SPOCK1: variants seen among roughly 807,000 people sequenced by gnomAD.
SPOCK1 encodes SPARC (osteonectin), cwcv and kazal like domains proteoglycan 1, also known as testican-1.
A neutral mutation model predicts 55.3 loss-of-function variants in SPOCK1; 23 were observed. The observed-to-expected ratio is 0.42, with a 90% confidence interval of 0.30 to 0.59. SPOCK1 has a LOEUF of 0.59. Among genes scored for constraint, SPOCK1 ranks in the 20% least tolerant of loss-of-function variants. The pLI is 0.22. For missense variants in SPOCK1, 499 were observed against 552.5 expected (o/e 0.90, Z 0.97); for synonymous variants, 226 against 221.0 (o/e 1.02, Z -0.20).
At chr5:137,113,470 T>G (rs1455841955) in intron 4 of SPOCK1, among the ~76,000 whole-genome samples, 4 of 152,244 alleles carry the variant, frequency 2.6e-5, no homozygotes, top group Admixed American at 1.3e-4. Context: ...CTGGCCTTCC[T>G]GCATGATGAT....
chr5:137,300,879 T>A (rs547768533), intron 2 of SPOCK1, among the ~76,000 whole-genome samples: 3 of 152,176 alleles, frequency 2.0e-5, no homozygotes, highest in African/African-American at 7.2e-5. Flanking sequence ...GAAAGCCCCA[T>A]GAACACAGAT....
chr5:137,419,630 G>C (rs1439060922), intron 2 of SPOCK1, among the ~76,000 whole-genome samples: 2 of 152,330 alleles, frequency 1.3e-5, no homozygotes, highest in East Asian at 3.9e-4. Context: ...AAGAATGCTT[G>C]TGATTTTTGC....
chr5:137,489,203 G>C (rs1754123481), intron 2 of SPOCK1, among the ~76,000 whole-genome samples: 2 of 152,328 alleles, frequency 1.3e-5, no homozygotes, highest in Admixed American at 6.5e-5. Context: ...ATGTGGTGCT[G>C]AAGTAAGTGC....
At chr5:137,281,021 T>C (rs530404294) in intron 2 of SPOCK1, among the ~76,000 whole-genome samples, 28 of 152,250 alleles carry the variant, frequency 1.8e-4, no homozygotes, top group African/African-American at 6.0e-4. Flanking sequence ...ATGGTAAAGA[T>C]AGTTATGGGA....
rs139248748 is a variant in SPOCK1 at position 137,324,451 on chromosome 5, AAGAG to A, written c.187-57400_187-57397del. On this transcript the variant is annotated intron_variant, in intron 2 of 10. Transcript: ENST00000394945. ...CAGAAGGAGACTCCATCTCAAAAAT[AAGAG>A]AGAGAGAAAATCTTACAAATGGATG... Among the ~76,000 whole-genome samples, 571 of 152,296 alleles carry A rather than the reference AAGAG, an allele frequency of 3.7e-3. 10 individuals carry two copies. Among genetic ancestry groups the A allele is most frequent in the Middle Eastern group, 0.014 (4 of 294 alleles).
chr5:137,092,364 G>C (rs1179810491), intron 5 of SPOCK1, among the ~76,000 whole-genome samples: 1 of 152,238 alleles, frequency 6.6e-6, no homozygotes, highest in Non-Finnish European at 1.5e-5. Flanking sequence ...CCGAGGGGCT[G>C]AGATTTACAG....
intron 3 of SPOCK1, among the ~76,000 whole-genome samples, chr5:137,158,581 G>A (rs1431053444): frequency 6.6e-6 from 1 of 152,110 alleles, no homozygotes; most frequent in Non-Finnish European, 1.5e-5. Flanking sequence ...GGGGTGAGCC[G>A]ATTCTCCTCA....
At chr5:137,026,084 A>C (rs1751668680) in intron 6 of SPOCK1, among the ~76,000 whole-genome samples, 1 of 152,256 alleles carries the variant, frequency 6.6e-6, no homozygotes, top group Non-Finnish European at 1.5e-5. Flanking sequence ...GAGATTCTAT[A>C]TACCTGAGGT....
At chr5:137,132,486 A>T (rs1045838035) in intron 4 of SPOCK1, among the ~76,000 whole-genome samples, 3 of 152,218 alleles carry the variant, frequency 2.0e-5, no homozygotes. Context: ...GATACCAATA[A>T]ATACAGCAAC....
At chr5:137,345,023 A>G (rs1750526411) in intron 2 of SPOCK1, among the ~76,000 whole-genome samples, 1 of 152,244 alleles carries the variant, frequency 6.6e-6, no homozygotes, top group Admixed American at 6.5e-5. Context: ...CGAAAATACA[A>G]TCACAGGTAA....
At position 137,157,579 on chromosome 5, in the gene SPOCK1, A is replaced by G. The variant is rs1476797299; in HGVS notation, c.233-16885T>C. Among the ~76,000 whole-genome samples the G allele has an allele frequency of 2.0e-5, 3 of 152,162 alleles. No individual in the cohort carries two copies. The East Asian group carries it at 5.8e-4, about 29-fold the overall frequency. Reference sequence around the variant, plus strand: ...TTTGCTGGGCTGGGTCTTTAGCACCATGTATCCAAAAGCTGGCAAGTGAGG... The same window carrying G: ...TTTGCTGGGCTGGGTCTTTAGCACCGTGTATCCAAAAGCTGGCAAGTGAGG... On this transcript the variant is annotated intron_variant, in intron 3 of 10. Coordinates refer to ENST00000394945, the MANE Select transcript of SPOCK1 (RefSeq NM_004598.4).
In SPOCK1 at chr5:137,151,772, T is replaced by C. The variant is rs143420187; in HGVS notation, c.233-11078A>G. Among the ~76,000 whole-genome samples the C allele has an allele frequency of 3.5e-3, 526 of 152,322 alleles. 2 individuals are homozygous for C. The highest frequency in any genetic ancestry group is 6.6e-3 in the Non-Finnish European group (449 of 68,028). ...CTGACTCTGCAAAGTTCAAAGCTTGTTTGAGAGCCTTGTAAGTGCCAAGCA... is the reference window on the plus strand; with the variant it reads ...CTGACTCTGCAAAGTTCAAAGCTTGCTTGAGAGCCTTGTAAGTGCCAAGCA... On this transcript the variant is annotated intron_variant, in intron 3 of 10. Transcript: ENST00000394945.
intron 2 of SPOCK1, among the ~76,000 whole-genome samples, chr5:137,375,452 C>T (rs1389976385): frequency 6.6e-6 from 1 of 152,148 alleles, no homozygotes; most frequent in Non-Finnish European, 1.5e-5. Flanking sequence ...ACTAGAGGGC[C>T]TTTGGAAGTG....
At chr5:137,304,883 G>T (rs920722754) in intron 2 of SPOCK1, among the ~76,000 whole-genome samples, 1 of 152,166 alleles carries the variant, frequency 6.6e-6, no homozygotes, top group African/African-American at 2.4e-5. Context: ...ATGTTCGGCA[G>T]GGGAGAGTGC....
At chr5:137,350,827 G>A (rs6886796) in intron 2 of SPOCK1, among the ~76,000 whole-genome samples, 3,996 of 152,000 alleles carry the variant, frequency 0.026, 210 homozygotes, top group African/African-American at 0.091. Context: ...GTCCACGCAC[G>A]TGTGCGTGTG....
intron 6 of SPOCK1, among the ~76,000 whole-genome samples, chr5:137,064,528 G>C (rs1752458275): frequency 6.6e-6 from 1 of 152,174 alleles, no homozygotes; most frequent in African/African-American, 2.4e-5. Context: ...GACTGCCTGT[G>C]GACACCATGC....
rs571512307 is a variant in SPOCK1 at position 137,364,038 on chromosome 5, C to A, written c.187-96983G>T. On this transcript the variant is annotated intron_variant, in intron 2 of 10. Transcript: ENST00000394945. Reference sequence around the variant, plus strand: ...TCCCAGGGCCCTGCACCTGCCCCAGCCCAGCCCAGCCCTGCTGCTCATTTC... The same window carrying A: ...TCCCAGGGCCCTGCACCTGCCCCAGACCAGCCCAGCCCTGCTGCTCATTTC... Among the ~76,000 whole-genome samples the A allele has an allele frequency of 3.3e-5, 5 of 152,326 alleles. No individual in the cohort carries two copies. The East Asian group carries it at 9.6e-4, about 29-fold the overall frequency.
At chr5:137,306,175 G>A (rs1470511397) in intron 2 of SPOCK1, among the ~76,000 whole-genome samples, 1 of 152,232 alleles carries the variant, frequency 6.6e-6, no homozygotes, top group East Asian at 1.9e-4. Context: ...GCACAGCACT[G>A]GAAGTCCAGG....
chr5:137,238,813 A>G (rs1005192648), intron 3 of SPOCK1, among the ~76,000 whole-genome samples: 5 of 152,236 alleles, frequency 3.3e-5, no homozygotes, highest in Non-Finnish European at 7.3e-5. Flanking sequence ...GGGCAACACT[A>G]AAATACATGT....
Sources: allele counts gnomAD v4.1 joint callset (sites outside exome capture counted in the v4.1 genomes callset), GRCh38; gene constraint gnomAD v4.1.1; transcripts MANE v1.5; gene names NCBI Gene and HGNC (gene_info 2026-07-23, HGNC 2026-07-21).